Variants in MMP16 observed in about 807,000 individuals in gnomAD.
MMP16 encodes the protein matrix metalloproteinase-16.
In MMP16, 12 loss-of-function variants were observed where a neutral mutation model predicts 67.8. The observed-to-expected ratio is 0.18, with a 90% CI of 0.11 to 0.29. The LOEUF is 0.29. MMP16 is among the 10% of genes least tolerant of loss of function. The pLI, the probability that MMP16 is intolerant of heterozygous loss-of-function variation, is 1.00. For synonymous variants in MMP16, 249 were observed against 255.9 expected (o/e 0.97, Z 0.26); for missense variants, 475 against 765.7 (o/e 0.62, Z 4.48).
chr8:88,139,612 C>T (rs1808178560), intron 4 of MMP16, among the ~76,000 whole-genome samples: 1 of 152,058 alleles, frequency 6.6e-6, no homozygotes, highest in African/African-American at 2.4e-5. Context: ...TTTTTACCCT[C>T]TTCTTTATTT....
chr8:88,280,416 A>T (rs1255818536), intron 1 of MMP16, among the ~76,000 whole-genome samples: 1 of 152,166 alleles, frequency 6.6e-6, no homozygotes, highest in Non-Finnish European at 1.5e-5. Flanking sequence ...TGCTACTATG[A>T]TCGAGAAAAA....
intron 1 of MMP16, among the ~76,000 whole-genome samples, chr8:88,305,701 G>A (rs1045848198): frequency 1.3e-5 from 2 of 152,098 alleles, no homozygotes; most frequent in Non-Finnish European, 2.9e-5. Context: ...GGTAAATAAC[G>A]AAATTAAGGG....
intron 1 of MMP16, among the ~76,000 whole-genome samples, chr8:88,258,138 C>T (rs887537592): frequency 6.6e-6 from 1 of 151,890 alleles, no homozygotes; most frequent in African/African-American, 2.4e-5. Context: ...CTCTGCCTCC[C>T]GGGTTCACGT....
intron 4 of MMP16, among the ~76,000 whole-genome samples, chr8:88,134,093 G>C (rs984227225): frequency 4.6e-5 from 7 of 151,706 alleles, no homozygotes; most frequent in African/African-American, 1.7e-4. Context: ...AACACTTGTG[G>C]AAAAATGTGC....
At chr8:88,063,069 G>A (rs1454856817) in intron 7 of MMP16, among the ~76,000 whole-genome samples, 1 of 152,092 alleles carries the variant, frequency 6.6e-6, no homozygotes, top group Non-Finnish European at 1.5e-5. Context: ...ATTGTACTTG[G>A]CAGAATGCAG....
At chr8:88,182,669 C>T (rs1038317814) in intron 3 of MMP16, among the ~76,000 whole-genome samples, 9 of 152,124 alleles carry the variant, frequency 5.9e-5, no homozygotes, top group African/African-American at 2.2e-4. Flanking sequence ...CAAAGCTAAC[C>T]GTAGTCTTAT....
At chr8:88,213,882 T>A (rs1377949173) in intron 1 of MMP16, among the ~76,000 whole-genome samples, 1 of 152,140 alleles carries the variant, frequency 6.6e-6, no homozygotes, top group Non-Finnish European at 1.5e-5. Flanking sequence ...TTCCTTCCCA[T>A]CCCTCAAAAA....
intron 7 of MMP16, among the ~76,000 whole-genome samples, chr8:88,060,795 G>C (rs1376795996): frequency 6.6e-6 from 1 of 152,048 alleles, no homozygotes; most frequent in African/African-American, 2.4e-5. Context: ...CTCATGTATA[G>C]TGTTTGGAAA....
At chr8:88,138,603 T>C (rs1039378433) in intron 4 of MMP16, among the ~76,000 whole-genome samples, 1 of 152,040 alleles carries the variant, frequency 6.6e-6, no homozygotes, top group African/African-American at 2.4e-5. Flanking sequence ...CAATTTGTTG[T>C]CTCCTTATCT....
At chr8:88,313,794 G>A (rs938710966) in intron 1 of MMP16, among the ~76,000 whole-genome samples, 2 of 152,058 alleles carry the variant, frequency 1.3e-5, no homozygotes, top group Admixed American at 6.6e-5. Context: ...TCACATTCAC[G>A]GTGGAAGGCA....
intron 1 of MMP16, among the ~76,000 whole-genome samples, chr8:88,242,292 T>C (rs1426636545): frequency 2.0e-5 from 3 of 152,212 alleles, no homozygotes; most frequent in African/African-American, 7.2e-5. Context: ...TTCTTTCTTT[T>C]TTACCTTTGT....
chr8:88,112,040 T>C (rs1450517380), intron 6 of MMP16, among the ~76,000 whole-genome samples: 1 of 151,804 alleles, frequency 6.6e-6, no homozygotes, highest in East Asian at 1.9e-4. Context: ...CTCTTCTAGA[T>C]TAACTGGAAA....
At chr8:88,092,647 C>A (rs1457150879) in intron 6 of MMP16, among the ~76,000 whole-genome samples, 5 of 151,580 alleles carry the variant, frequency 3.3e-5, no homozygotes, top group East Asian at 1.9e-4. Flanking sequence ...ATAAATAAAT[C>A]AAAAAATGCA....
chr8:88,253,235 T>G (rs1038195816), intron 1 of MMP16, among the ~76,000 whole-genome samples: 1 of 152,080 alleles, frequency 6.6e-6, no homozygotes, highest in African/African-American at 2.4e-5. Flanking sequence ...ATTTTCTCAT[T>G]TAGTCCTCAG....
Position 88,061,587 on chromosome 8 carries a change from A to G in MMP16, c.1223-5309T>C, listed in dbSNP as rs1008083138. ...TTTTTTTAGTGATGACACTAGGCTC[A>G]TCAATAACCAGGATGCCCTGGTGCA... On this transcript the variant is annotated intron_variant, in intron 7 of 9. Coordinates refer to ENST00000286614, the MANE Select transcript of MMP16 (RefSeq NM_005941.5). Among the ~76,000 whole-genome samples, 4 of 152,054 alleles carry G rather than the reference A, an allele frequency of 2.6e-5. No homozygotes were observed. In the East Asian group the frequency reaches 7.7e-4, roughly 29 times the overall value.
intron 1 of MMP16, among the ~76,000 whole-genome samples, chr8:88,307,506 T>A (rs968812743): frequency 6.6e-6 from 1 of 152,090 alleles, no homozygotes; most frequent in Non-Finnish European, 1.5e-5. Context: ...AGGCTGGTCA[T>A]GCTATGTCCT....
rs532803884 is a variant in MMP16 at position 88,040,001 on chromosome 8, T to C, written c.*1460A>G. On this transcript the variant is annotated 3_prime_UTR_variant, in exon 10 of 10. Coordinates refer to ENST00000286614, the MANE Select transcript of MMP16 (RefSeq NM_005941.5). The stretch of plus-strand genomic sequence containing the variant: ...AGAACTATGGTGGACATGCAATAGG[T>C]AATGCACTGGAGGATATTCATGCAA... The C allele has an allele frequency of 1.2e-4, 18 of 152,714 alleles. No individual in the cohort carries two copies. The highest frequency in any genetic ancestry group is 4.1e-4 in the African/African-American group (17 of 41,554). 9.5% of individuals were successfully genotyped at this position (152,714 alleles called of 1,614,324 possible).
intron 1 of MMP16, among the ~76,000 whole-genome samples, chr8:88,281,681 T>C (rs1471744237): frequency 2.0e-5 from 3 of 152,170 alleles, no homozygotes; most frequent in Non-Finnish European, 2.9e-5. Context: ...TAGCCACAGG[T>C]AGCTGTCCCA....
intron 1 of MMP16, among the ~76,000 whole-genome samples, chr8:88,249,132 A>G (rs1457578693): frequency 2.6e-5 from 4 of 151,988 alleles, no homozygotes; most frequent in Non-Finnish European, 4.4e-5. Context: ...AAAGGCAGAC[A>G]AACCACCAAG....
Sources: allele counts gnomAD v4.1 joint callset (sites outside exome capture counted in the v4.1 genomes callset), GRCh38; gene constraint gnomAD v4.1.1; transcripts MANE v1.5; gene names NCBI Gene and HGNC (gene_info 2026-07-23, HGNC 2026-07-21).